PLEK: variants seen among roughly 807,000 people sequenced by gnomAD.
PLEK encodes the protein platelet 47 kDa protein.
Under a neutral mutation model 43.9 loss-of-function variants are expected in PLEK, and 25 were observed. That is an observed-to-expected ratio of 0.57 (90% CI 0.41 to 0.79). PLEK has a LOEUF of 0.79. Among genes scored for constraint, PLEK ranks in the 30% least tolerant of loss-of-function variants. The probability of loss-of-function intolerance (pLI) is 0.00; values close to 1 mark genes in which losing one functional copy is unlikely to be tolerated. For synonymous variants in PLEK, 152 were observed against 144.4 expected, an observed-to-expected ratio of 1.05 and a Z score of -0.38; for missense variants, 396 against 413.3, an observed-to-expected ratio of 0.96 and a Z score of 0.36.
intron 1 of PLEK, among the ~76,000 whole-genome samples, chr2:68,379,025 C>T (rs999978322): frequency 1.3e-5 from 2 of 152,066 alleles, no homozygotes; most frequent in African/African-American, 4.8e-5. Context: ...TCCCAGCTAC[C>T]TGGGAGGCTG....
intron 4 of PLEK, among the ~76,000 whole-genome samples, chr2:68,383,597 T>C (rs1038835142): frequency 1.3e-5 from 2 of 151,944 alleles, no homozygotes; most frequent in African/African-American, 4.8e-5. Context: ...ATGTGCAGAA[T>C]ATGCATCTAG....
chr2:68,388,306 A>AG (rs3217525), intron 5 of PLEK, 81 bp from the exon 6 acceptor site: 245,143 of 780,182 alleles, frequency 0.31, 45,661 homozygotes, highest in East Asian at 0.67. Context: ...TCATGGCTGG[A>AG]GGGGAGGGGG....
At chr2:68,386,754 C>A in intron 5 of PLEK, 68 bp downstream of exon 5, 1 of 1,253,482 alleles carries the variant, frequency 8.0e-7, no homozygotes, top group Non-Finnish European at 1.2e-6. Context: ...AGATTGATTT[C>A]AGTTCATAGA....
Position 68,388,407 on chromosome 2 carries a change from T to A in PLEK, c.678T>A (p.Cys226Ter). The A allele has an allele frequency of 1.2e-6, 2 of 1,608,384 alleles. No homozygotes were observed. The highest frequency in any genetic ancestry group is 1.7e-6 in the Non-Finnish European group (2 of 1,174,764). ...AACAGCCAGACAGTGGGTTCTTCTG[T>A]GAAGAGAATTCCAGTGATGATGATG... ...FYYFPDSGFF[C>*]EENSSDDDVI... Residue 226 changes from cysteine to a stop codon, truncating the protein, a stop_gained, in exon 6 of 9, where the codon TGT becomes TGA. Coordinates refer to ENST00000234313, the MANE Select transcript of PLEK (RefSeq NM_002664.3). LOFTEE classifies it high-confidence loss of function.
intron 1 of PLEK, among the ~76,000 whole-genome samples, chr2:68,377,334 A>G (rs2103766589): frequency 6.6e-6 from 1 of 152,228 alleles, no homozygotes; most frequent in Non-Finnish European, 1.5e-5. Flanking sequence ...TAGTTTTTTG[A>G]GGAACCTCCA....
At chr2:68,383,273 T>G (rs1322234344) in intron 4 of PLEK, among the ~76,000 whole-genome samples, 1 of 152,174 alleles carries the variant, frequency 6.6e-6, no homozygotes, top group Non-Finnish European at 1.5e-5. Context: ...TGGCACACAC[T>G]CAGTGCTATA....
rs994496317 is a variant in PLEK at position 68,397,452 on chromosome 2, C to T, written c.*1636C>T. On this transcript the variant is annotated 3_prime_UTR_variant, in exon 9 of 9. Coordinates refer to ENST00000234313, the MANE Select transcript of PLEK (RefSeq NM_002664.3). ...AATAAATATATGACTCTGTTTAATG[C>T]ATTTTTGGTGTGATGACTCTGTTTT... 6.6e-6 allele frequency: 1 copy of T among 152,154 alleles called. No individual in the cohort carries two copies. The highest frequency in any genetic ancestry group is 2.4e-5 in the African/African-American group (1 of 41,444). 9.4% of individuals were successfully genotyped at this position (152,154 alleles called of 1,614,324 possible).
intron 4 of PLEK, among the ~76,000 whole-genome samples, chr2:68,386,213 G>A (rs1673738708): frequency 6.6e-6 from 1 of 151,792 alleles, no homozygotes; most frequent in Non-Finnish European, 1.5e-5. Flanking sequence ...CTATCCTACT[G>A]CCTCAGCTTC....
intron 6 of PLEK, among the ~76,000 whole-genome samples, chr2:68,388,922 AAAG>A (rs531382929): frequency 2.0e-5 from 3 of 152,178 alleles, no homozygotes; most frequent in Admixed American, 6.5e-5. Context: ...CACTGAGAGC[AAAG>A]AAGAGTCATT....
chr2:68,394,088 C>T lies in PLEK; in HGVS notation c.847-19C>T, dbSNP rs140976549. On this transcript the variant is annotated intron_variant, in intron 7 of 8. Transcript: ENST00000234313. ...CTCTGCATTTTGGAAACATAATGAA[C>T]AACTCCTTTCTTCTTTAGGCAGAAG... 311 of 1,567,974 alleles carry T rather than the reference C, an allele frequency of 2.0e-4. 3 individuals are homozygous for T. In the East Asian group the frequency reaches 5.6e-3, roughly 28 times the overall value.
Position 68,380,461 on chromosome 2 carries a change from G to A in PLEK, c.176G>A (p.Cys59Tyr), listed in dbSNP as rs748680602. ...PLKGSTLTSP[C>Y]QDFGKRMFVF... ...AAAGGGAGCACTCTGACTAGCCCTT[G>A]TCAAGACTTTGGCAAAAGGATGGTA... Residue 59 changes from cysteine (C) to tyrosine (Y), a missense_variant, in exon 2 of 9, where the codon TGT becomes TAT. Physicochemically the swap from Cys to Tyr is radical, Grantham distance 194 (BLOSUM62 -2). Transcript: ENST00000234313. 20 of 1,613,708 alleles carry A rather than the reference G, an allele frequency of 1.2e-5. No individual in the cohort carries two copies. Among genetic ancestry groups the A allele is most frequent in the Non-Finnish European group, 1.6e-5 (19 of 1,179,844 alleles).
At chr2:68,393,754 T>C (rs1283206029) in intron 7 of PLEK, among the ~76,000 whole-genome samples, 1 of 152,120 alleles carries the variant, frequency 6.6e-6, no homozygotes, top group Non-Finnish European at 1.5e-5. Context: ...CCCTGGGTGG[T>C]TATATTGCTG....
intron 3 of PLEK, among the ~76,000 whole-genome samples, chr2:68,382,027 C>T (rs1449076915): frequency 6.6e-6 from 1 of 152,202 alleles, no homozygotes; most frequent in East Asian, 1.9e-4. Flanking sequence ...ATGAGAACTT[C>T]TCACCATTTT....
chr2:68,395,686 A>C lies in PLEK; in HGVS notation c.923A>C (p.Lys308Thr), dbSNP rs1423590896. 4 of 1,613,990 alleles carry C rather than the reference A, an allele frequency of 2.5e-6. No homozygotes were observed. The highest frequency in any genetic ancestry group is 1.3e-5 in the African/African-American group (1 of 74,914). ...TSVESNSNGR[K>T]SEEENLFEII... ...TTGCCTTCTCTTTCCCCAGGCAGGA[A>C]GAGTGAGGAAGAGAACCTTTTTGAG... Residue 308 changes from lysine to threonine, a missense_variant, in exon 9 of 9, where the codon AAG becomes ACG. By Grantham distance (78) the Lys-to-Thr change is moderately conservative. Transcript: ENST00000234313.
At chr2:68,394,235 G>T in intron 8 of PLEK, 59 bp downstream of exon 8, 3 of 939,624 alleles carry the variant, frequency 3.2e-6, no homozygotes, top group South Asian at 1.3e-5. Context: ...CCCACACCTG[G>T]ACATCCTGGG....
intron 1 of PLEK, among the ~76,000 whole-genome samples, chr2:68,371,088 C>G (rs886999108): frequency 6.6e-6 from 1 of 152,130 alleles, no homozygotes; most frequent in Non-Finnish European, 1.5e-5. Flanking sequence ...CAGCAGGCAC[C>G]TTGGAATAGA....
intron 1 of PLEK, among the ~76,000 whole-genome samples, chr2:68,371,452 C>T (rs1164375595): frequency 6.6e-6 from 1 of 152,134 alleles, no homozygotes; most frequent in East Asian, 1.9e-4. Context: ...TAGTATAGTT[C>T]TCCAGGAGCA....
chr2:68,377,742 T>C (rs1192175046), intron 1 of PLEK, among the ~76,000 whole-genome samples: 1 of 152,230 alleles, frequency 6.6e-6, no homozygotes, highest in African/African-American at 2.4e-5. Flanking sequence ...CTTCGTTGCC[T>C]GTTTCCTTTG....
chr2:68,370,647 A>G (rs12621489), intron 1 of PLEK, among the ~76,000 whole-genome samples: 96,680 of 151,992 alleles, frequency 0.64, 31,265 homozygotes, highest in East Asian at 0.9. Context: ...CACCAAGCCC[A>G]GCTAATTTTT....
Sources: allele counts gnomAD v4.1 joint callset (sites outside exome capture counted in the v4.1 genomes callset), GRCh38; gene constraint gnomAD v4.1.1; transcripts MANE v1.5; gene names NCBI Gene and HGNC (gene_info 2026-07-23, HGNC 2026-07-21).